The following ARK2C variants were observed in gnomAD, a reference collection of about 807,000 sequenced individuals.
ARK2C encodes the protein E3 ubiquitin-protein ligase ARK2C.
chr18:46,359,237 G>A, the ARK2C span, among the ~76,000 whole-genome samples: 2 of 152,232 alleles, frequency 1.3e-5, no homozygotes, highest in Admixed American at 6.5e-5. Flanking sequence ...GGCCAGGTGG[G>A]CTGTTCCCTG....
chr18:46,375,553 CTAATAATAATAA>C, the ARK2C span, among the ~76,000 whole-genome samples: 27,761 of 137,766 alleles, frequency 0.2, 3,259 homozygotes, highest in Non-Finnish European at 0.27. Context: ...GACTCTGTCT[CTAATAATAATAA>C]TAATAATAAT....
the ARK2C span, among the ~76,000 whole-genome samples, chr18:46,351,528 A>G: frequency 6.6e-5 from 10 of 152,126 alleles, no homozygotes; most frequent in Non-Finnish European, 1.2e-4. Flanking sequence ...CCGCCCTGCC[A>G]TTGTCCTCCC....
chr18:46,381,938 G>A, the ARK2C span, among the ~76,000 whole-genome samples: 3 of 152,174 alleles, frequency 2.0e-5, no homozygotes, highest in African/African-American at 7.2e-5. Flanking sequence ...CTCTGGCACG[G>A]GCTTTGGCTT....
At chr18:46,431,958 C>G in the ARK2C span, among the ~76,000 whole-genome samples, 2 of 151,032 alleles carry the variant, frequency 1.3e-5, no homozygotes, top group Admixed American at 1.3e-4. Context: ...CATCTGCTTT[C>G]TTTTTCTTCC....
chr18:46,409,982 T>G, the ARK2C span, among the ~76,000 whole-genome samples: 1 of 152,362 alleles, frequency 6.6e-6, no homozygotes, highest in Admixed American at 6.5e-5. Context: ...AGACAGGATT[T>G]GAGCATTTGT....
chr18:46,462,899 G>A, the ARK2C span: 1 of 152,280 alleles, frequency 6.6e-6, no homozygotes, highest in Non-Finnish European at 1.5e-5. Context: ...ATTATCCTCA[G>A]TGTTGATTGT....
At chr18:46,455,796 T>C in the ARK2C span, among the ~76,000 whole-genome samples, 1 of 152,020 alleles carries the variant, frequency 6.6e-6, no homozygotes, top group Non-Finnish European at 1.5e-5. Flanking sequence ...GATCACGCTA[T>C]TGCACTCCAG....
the ARK2C span, among the ~76,000 whole-genome samples, chr18:46,351,672 C>CT: frequency 6.6e-6 from 1 of 152,094 alleles, no homozygotes; most frequent in African/African-American, 2.4e-5. Context: ...CTTTGAGTTA[C>CT]TTTTTTATGA....
At chr18:46,450,232 G>C in the ARK2C span, 1 of 1,021,134 alleles carries the variant, frequency 9.8e-7, no homozygotes, top group African/African-American at 1.6e-5. Context: ...TGGAGAAGTT[G>C]CATGCTGGGC....
At chr18:46,352,691 C>A in the ARK2C span, among the ~76,000 whole-genome samples, 1 of 152,184 alleles carries the variant, frequency 6.6e-6, no homozygotes, top group South Asian at 2.1e-4. Flanking sequence ...AAGAGCATGA[C>A]ACAGCACTGC....
the ARK2C span, among the ~76,000 whole-genome samples, chr18:46,453,457 A>T: frequency 6.6e-6 from 1 of 152,182 alleles, no homozygotes; most frequent in Non-Finnish European, 1.5e-5. Context: ...CTAAGAATTA[A>T]AAGGGGAAAT....
the ARK2C span, among the ~76,000 whole-genome samples, chr18:46,419,834 C>T: frequency 6.6e-6 from 1 of 152,082 alleles, no homozygotes; most frequent in Non-Finnish European, 1.5e-5. Context: ...GCATCTCCTC[C>T]CTCCCCCCTT....
At chr18:46,364,474 G>A in the ARK2C span, among the ~76,000 whole-genome samples, 1 of 151,584 alleles carries the variant, frequency 6.6e-6, no homozygotes, top group Admixed American at 6.6e-5. Flanking sequence ...CACATTTTGT[G>A]GGCTCCCCAG....
At chr18:46,410,044 A>G in the ARK2C span, among the ~76,000 whole-genome samples, 1 of 152,288 alleles carries the variant, frequency 6.6e-6, no homozygotes, top group South Asian at 2.1e-4. Context: ...ACCAAATTAT[A>G]ATCTTACTGC....
the ARK2C span, chr18:46,337,176 A>G: frequency 4.3e-5 from 42 of 985,220 alleles, no homozygotes; most frequent in Non-Finnish European, 5.1e-5. Context: ...TAAAGTCCCA[A>G]ATAGCCTCCC....
chr18:46,352,183 G>A, the ARK2C span, among the ~76,000 whole-genome samples: 5 of 152,196 alleles, frequency 3.3e-5, no homozygotes, highest in South Asian at 1.0e-3. Flanking sequence ...CTCCTCCTTG[G>A]GGGCCTTGGG....
At chr18:46,384,771 C>A in the ARK2C span, among the ~76,000 whole-genome samples, 3 of 152,328 alleles carry the variant, frequency 2.0e-5, no homozygotes, top group Admixed American at 2.0e-4. Context: ...AATCCCAGTG[C>A]TTTGGGAGAC....
chr18:46,407,576 T>C, the ARK2C span, among the ~76,000 whole-genome samples: 4 of 152,240 alleles, frequency 2.6e-5, no homozygotes, highest in African/African-American at 9.6e-5. Flanking sequence ...TGTTTTGTTT[T>C]GTTTTTGAAG....
chr18:46,417,798 G>A, the ARK2C span, among the ~76,000 whole-genome samples: 146 of 152,302 alleles, frequency 9.6e-4, no homozygotes, highest in African/African-American at 3.4e-3. Context: ...GAGGTCAGGA[G>A]TTTGAGACCA....
Sources: gnomAD v4.1 joint callset for allele counts (sites outside exome capture counted in the v4.1 genomes callset) on GRCh38, gnomAD v4.1.1 for gene constraint, MANE v1.5 for transcripts, NCBI Gene and HGNC (gene_info 2026-07-23, HGNC 2026-07-21) for gene names.